The following SEZ6L variants were observed in gnomAD, a reference collection of about 807,000 sequenced individuals.
The protein encoded by SEZ6L is seizure related 6 homolog like, also known as seizure 6-like protein.
A neutral mutation model predicts 106.2 loss-of-function variants in SEZ6L; 37 were observed. That is an observed-to-expected ratio of 0.35 (90% CI 0.27 to 0.46). The LOEUF (loss-of-function observed/expected upper bound fraction) is 0.46, where lower values mean the gene tolerates loss of function less well. Among genes scored for constraint, SEZ6L ranks in the 20% least tolerant of loss-of-function variants. The pLI is 1.00. For synonymous variants in SEZ6L, 541 were observed against 570.4 expected (o/e 0.95, Z 0.73); for missense variants, 1,172 against 1,332.8 (o/e 0.88, Z 1.88).
chr22:26,317,414 C>G (rs1601483018), intron 9 of SEZ6L, among the ~76,000 whole-genome samples: 1 of 151,538 alleles, frequency 6.6e-6, no homozygotes, highest in South Asian at 2.1e-4. Context: ...ATAATCCCCT[C>G]TCTTCTGCTT....
At chr22:26,238,918 T>C (rs777006330) in intron 1 of SEZ6L, among the ~76,000 whole-genome samples, 2 of 152,190 alleles carry the variant, frequency 1.3e-5, no homozygotes, top group African/African-American at 4.8e-5. Flanking sequence ...GAAAGTCCAG[T>C]GTGACTTTAG....
chr22:26,280,746 G>A (rs2080736325), intron 1 of SEZ6L, among the ~76,000 whole-genome samples: 1 of 152,090 alleles, frequency 6.6e-6, no homozygotes, highest in Non-Finnish European at 1.5e-5. Context: ...GGTGTTCAGA[G>A]AACTCATTTT....
At chr22:26,290,401 A>G (rs1330727787) in intron 1 of SEZ6L, among the ~76,000 whole-genome samples, 2 of 152,178 alleles carry the variant, frequency 1.3e-5, no homozygotes, top group Admixed American at 1.3e-4. Context: ...GCATGGTGGC[A>G]CGCACCTGTG....
At chr22:26,186,726 T>C (rs949506211) in intron 1 of SEZ6L, among the ~76,000 whole-genome samples, 6 of 152,018 alleles carry the variant, frequency 3.9e-5, no homozygotes, top group African/African-American at 1.5e-4. Context: ...CTGGATTCCA[T>C]AAAGAAGTGC....
chr22:26,236,955 G>T (rs148070779), intron 1 of SEZ6L, among the ~76,000 whole-genome samples: 2 of 152,150 alleles, frequency 1.3e-5, no homozygotes, highest in East Asian at 1.9e-4. Context: ...ACCTGTCTCT[G>T]CTCCCCCTTT....
At chr22:26,350,801 C>T (rs113967599) in intron 11 of SEZ6L, among the ~76,000 whole-genome samples, 1,754 of 152,048 alleles carry the variant, frequency 0.012, 41 homozygotes, top group African/African-American at 0.04. Context: ...GGAGTACAGG[C>T]GCCCACCACC....
intron 1 of SEZ6L, among the ~76,000 whole-genome samples, chr22:26,196,079 A>T (rs1940560016): frequency 6.6e-6 from 1 of 152,090 alleles, no homozygotes; most frequent in South Asian, 2.1e-4. Context: ...TGGTGGGAGG[A>T]GATTTGATCA....
chr22:26,313,614 AC>A, intron 8 of SEZ6L, 149 bp from the exon 9 acceptor site: 1 of 677,440 alleles, frequency 1.5e-6, no homozygotes, highest in Non-Finnish European at 2.5e-6. Context: ...GCACACACAC[AC>A]ACGTGCTGGC....
At position 26,304,371 on chromosome 22, in the gene SEZ6L, A is replaced by AGAAG. The variant is rs1491333819; in HGVS notation, c.1349-1605_1349-1604insGGAA. ...TGTCTCAAAAAAAAAAAAAGAAAGAAGAAAGAAAGAAAGAAAGAAAGAAAG... is the reference window on the plus strand; with the variant it reads ...TGTCTCAAAAAAAAAAAAAGAAAGAAGAAGGAAAGAAAGAAAGAAAGAAAGAAAG... On this transcript the variant is annotated intron_variant, in intron 5 of 16. Coordinates refer to ENST00000248933, the MANE Select transcript of SEZ6L (RefSeq NM_021115.5). Among the ~76,000 whole-genome samples, 348 of 44,798 alleles carry AGAAG rather than the reference A, an allele frequency of 7.8e-3. 8 individuals carry two copies. The highest frequency in any genetic ancestry group is 0.03 in the African/African-American group (324 of 10,664). 29.4% of individuals were successfully genotyped at this position (44,798 alleles called of 152,430 possible).
intron 1 of SEZ6L, among the ~76,000 whole-genome samples, chr22:26,194,150 AG>A (rs1940429369): frequency 6.6e-6 from 1 of 152,198 alleles, no homozygotes. Context: ...AGCAAGCTCA[AG>A]GCTTGTAGGC....
chr22:26,265,193 T>C (rs141751840), intron 1 of SEZ6L, among the ~76,000 whole-genome samples: 3 of 152,250 alleles, frequency 2.0e-5, no homozygotes, highest in Non-Finnish European at 4.4e-5. Context: ...AGGGATGGCA[T>C]AGCTGGGGCA....
chr22:26,187,345 C>T (rs1302217186), intron 1 of SEZ6L, among the ~76,000 whole-genome samples: 1 of 152,178 alleles, frequency 6.6e-6, no homozygotes, highest in African/African-American at 2.4e-5. Context: ...TAATCACCTC[C>T]CACGAGATCC....
intron 1 of SEZ6L, among the ~76,000 whole-genome samples, chr22:26,170,168 G>A (rs1268419124): frequency 6.6e-6 from 1 of 152,090 alleles, no homozygotes; most frequent in Non-Finnish European, 1.5e-5. Flanking sequence ...GAAGGGGGGT[G>A]AGAAGCTGAC....
At chr22:26,281,099 A>C (rs2080746603) in intron 1 of SEZ6L, among the ~76,000 whole-genome samples, 2 of 152,200 alleles carry the variant, frequency 1.3e-5, no homozygotes, top group Non-Finnish European at 2.9e-5. Context: ...TGACTCAAAA[A>C]GGCTGTTGGA....
intron 5 of SEZ6L, among the ~76,000 whole-genome samples, chr22:26,305,211 T>C (rs1377955801): frequency 6.6e-6 from 1 of 152,242 alleles, no homozygotes; most frequent in African/African-American, 2.4e-5. Context: ...TGAGTGGACA[T>C]TCATCTTGGT....
Position 26,215,768 on chromosome 22 carries a change from G to C in SEZ6L, c.94+46005G>C, listed in dbSNP as rs113610812. 7.1e-3 allele frequency among the ~76,000 whole-genome samples: 1,076 copies of C among 152,322 alleles called. 3 individuals carry two copies. The highest frequency in any genetic ancestry group is 0.01 in the Non-Finnish European group (696 of 68,026). On this transcript the variant is annotated intron_variant, in intron 1 of 16. Coordinates refer to ENST00000248933, the MANE Select transcript of SEZ6L (RefSeq NM_021115.5). ...ATCAAGTGCTCAATCCCAGTGACTT[G>C]TCAGGGATCCTTTCAGATGTGTTCA... is the stretch of plus-strand genomic sequence containing the variant.
At chr22:26,356,327 G>A (rs764251295) in intron 12 of SEZ6L, among the ~76,000 whole-genome samples, 5 of 152,040 alleles carry the variant, frequency 3.3e-5, no homozygotes, top group Admixed American at 6.6e-5. Context: ...AAAGAAAAAC[G>A]GTTTTTTTTA....
chr22:26,324,099 CACAA>C lies in SEZ6L; in HGVS notation c.2015+10201_2015+10204del, dbSNP rs1335678434. Among the ~76,000 whole-genome samples, 133 of 146,856 alleles carry C rather than the reference CACAA, an allele frequency of 9.1e-4. 1 individual carries two copies. Among genetic ancestry groups the C allele is most frequent in the Middle Eastern group, 7.1e-3 (2 of 280 alleles). ...ACACACACACACACACACACACACA[CACAA>C]ACACACACACACACACAAACGGTAG... On this transcript the variant is annotated intron_variant, in intron 9 of 16. Coordinates refer to ENST00000248933, the MANE Select transcript of SEZ6L (RefSeq NM_021115.5).
rs575006337 is a variant in SEZ6L, at chr22:26,227,863, C to T, written c.94+58100C>T. On this transcript the variant is annotated intron_variant, in intron 1 of 16. Coordinates refer to ENST00000248933, the MANE Select transcript of SEZ6L (RefSeq NM_021115.5). ...GCCTCTGCCCTCCAGGACTGGGCTG[C>T]TCACTTAGTGATGGAAGATTTGCAC... Among the ~76,000 whole-genome samples the T allele has an allele frequency of 3.2e-3, 495 of 152,336 alleles. 1 individual carries two copies. The highest frequency in any genetic ancestry group is 0.011 in the African/African-American group (445 of 41,574).
Sources: gnomAD v4.1 joint callset for allele counts (sites outside exome capture counted in the v4.1 genomes callset) on GRCh38, gnomAD v4.1.1 for gene constraint, MANE v1.5 for transcripts, NCBI Gene and HGNC (gene_info 2026-07-23, HGNC 2026-07-21) for gene names.